The following FIRRM variants were observed in gnomAD, a reference collection of about 807,000 sequenced individuals.
The protein encoded by FIRRM is FIGNL1 interacting regulator of recombination and mitosis.
the FIRRM span, chr1:169,851,338 T>G: frequency 9.4e-4 from 143 of 152,828 alleles, no homozygotes; most frequent in African/African-American, 3.3e-3. Context: ...ATGGGCCCAC[T>G]TGACTCACTG....
At chr1:169,852,944 A>G in the FIRRM span, 1 of 1,614,158 alleles carries the variant, frequency 6.2e-7, no homozygotes, top group Non-Finnish European at 8.5e-7. Context: ...GCGCTCCAAG[A>G]AAGGATGGAT....
the FIRRM span, among the ~76,000 whole-genome samples, chr1:169,849,263 A>G: frequency 0.019 from 2,871 of 152,308 alleles, 90 homozygotes; most frequent in African/African-American, 0.065. Flanking sequence ...TAGCTAACAC[A>G]AAGGTAGCAG....
the FIRRM span, among the ~76,000 whole-genome samples, chr1:169,807,454 T>G: frequency 6.6e-6 from 1 of 152,214 alleles, no homozygotes; most frequent in Non-Finnish European, 1.5e-5. Context: ...TTCTTAAAAT[T>G]ATTTAACATT....
the FIRRM span, chr1:169,800,775 A>C: frequency 4.5e-6 from 2 of 447,892 alleles, no homozygotes; most frequent in East Asian, 8.9e-5. Flanking sequence ...GGTATTTTGA[A>C]AGTGTATCAA....
chr1:169,841,147 C>T, the FIRRM span, among the ~76,000 whole-genome samples: 1 of 151,982 alleles, frequency 6.6e-6, no homozygotes, highest in Non-Finnish European at 1.5e-5. Context: ...GTCTTGATGG[C>T]CTTTATTATA....
chr1:169,849,595 G>T, the FIRRM span: 4 of 1,610,394 alleles, frequency 2.5e-6, no homozygotes, highest in African/African-American at 5.3e-5. Context: ...CGTTTACTCA[G>T]TTCGCTGAGG....
At chr1:169,794,620 A>G in the FIRRM span, 2 of 164,316 alleles carry the variant, frequency 1.2e-5, no homozygotes. Context: ...TGTTCCCTTT[A>G]TACAAGATTT....
chr1:169,819,125 C>T, the FIRRM span, among the ~76,000 whole-genome samples: 9 of 152,194 alleles, frequency 5.9e-5, no homozygotes, highest in Admixed American at 5.9e-4. Flanking sequence ...TTAAGTGTCC[C>T]ATTTGTATAC....
chr1:169,834,453 G>T, the FIRRM span, among the ~76,000 whole-genome samples: 4 of 151,370 alleles, frequency 2.6e-5, no homozygotes, highest in Non-Finnish European at 2.9e-5. Context: ...CAAATGTTAG[G>T]TCTCCTCTCC....
At chr1:169,850,277 G>A in the FIRRM span, 1 of 1,608,374 alleles carries the variant, frequency 6.2e-7, no homozygotes, top group Non-Finnish European at 8.5e-7. Flanking sequence ...AACAAATCAT[G>A]AAGAGATAGT....
chr1:169,853,467 G>T, the FIRRM span: 1 of 466,458 alleles, frequency 2.1e-6, no homozygotes, highest in South Asian at 4.0e-5. Context: ...ATAGAAACTG[G>T]CCTCAGTCAA....
the FIRRM span, chr1:169,850,478 T>C: frequency 1.1e-5 from 7 of 615,574 alleles, no homozygotes; most frequent in Non-Finnish European, 2.0e-5. Flanking sequence ...CTGACGACTT[T>C]TACTAAGCAA....
At chr1:169,814,174 G>C in the FIRRM span, among the ~76,000 whole-genome samples, 1 of 152,054 alleles carries the variant, frequency 6.6e-6, no homozygotes, top group Admixed American at 6.5e-5. Context: ...AACTTATGCA[G>C]ACTTTTTTAA....
At chr1:169,843,530 G>GC in the FIRRM span, 1 of 592,398 alleles carries the variant, frequency 1.7e-6, no homozygotes, top group Non-Finnish European at 3.0e-6. Context: ...ACCTCATAGA[G>GC]CTGTTTTGTA....
At chr1:169,812,136 A>C in the FIRRM span, among the ~76,000 whole-genome samples, 1 of 152,246 alleles carries the variant, frequency 6.6e-6, no homozygotes, top group Non-Finnish European at 1.5e-5. Context: ...TCTAGGTTTA[A>C]TTAGTAGTAT....
chr1:169,793,171 G>C, the FIRRM span: 2 of 1,613,982 alleles, frequency 1.2e-6, no homozygotes, highest in African/African-American at 1.3e-5. Flanking sequence ...AATAAGCCAG[G>C]AGGTCAAAGG....
At chr1:169,829,429 C>T in the FIRRM span, 1 of 1,611,980 alleles carries the variant, frequency 6.2e-7, no homozygotes. Context: ...TTCCTTTCAT[C>T]CCTCACTGTT....
the FIRRM span, chr1:169,804,352 T>C: frequency 1.1e-6 from 1 of 890,248 alleles, no homozygotes; most frequent in Middle Eastern, 3.5e-4. Flanking sequence ...TTAAAATTGA[T>C]TTAAATCTTA....
At chr1:169,834,833 C>T in the FIRRM span, among the ~76,000 whole-genome samples, 1 of 151,980 alleles carries the variant, frequency 6.6e-6, no homozygotes, top group African/African-American at 2.4e-5. Flanking sequence ...AACATAAAAT[C>T]TAGTAGAAAT....
Sources: gnomAD v4.1 joint callset for allele counts (sites outside exome capture counted in the v4.1 genomes callset) on GRCh38, gnomAD v4.1.1 for gene constraint, MANE v1.5 for transcripts, NCBI Gene and HGNC (gene_info 2026-07-23, HGNC 2026-07-21) for gene names.